CSGALNACT1: variants seen among roughly 807,000 people sequenced by gnomAD.
CSGALNACT1 encodes the protein beta4GalNAcT-1.
Under a neutral mutation model 51.0 loss-of-function variants are expected in CSGALNACT1, and 52 were observed. The observed-to-expected ratio is 1.02, with a 90% confidence interval of 0.82 to 1.29. The LOEUF (loss-of-function observed/expected upper bound fraction) is 1.29, where lower values mean the gene tolerates loss of function less well. Ranked by LOEUF, CSGALNACT1 falls within the 50% of genes most tolerant of loss-of-function variation. The pLI is 0.00. For synonymous variants in CSGALNACT1, 341 were observed against 254.4 expected (o/e 1.34, Z -3.24); for missense variants, 935 against 679.2 (o/e 1.38, Z -4.19).
At chr8:19,508,853 G>A (rs1043725820) in intron 3 of CSGALNACT1, among the ~76,000 whole-genome samples, 15 of 152,068 alleles carry the variant, frequency 9.9e-5, no homozygotes, top group Admixed American at 3.3e-4. Flanking sequence ...AAACTAAATC[G>A]GTGATTTGAA....
At chr8:19,707,723 G>A (rs761686337) in intron 1 of CSGALNACT1, among the ~76,000 whole-genome samples, 4 of 152,052 alleles carry the variant, frequency 2.6e-5, no homozygotes, top group Non-Finnish European at 5.9e-5. Flanking sequence ...CTATAAGGCC[G>A]GGTGTGGTGG....
upstream of CSGALNACT1, among the ~76,000 whole-genome samples, chr8:19,604,870 G>A (rs750901985): frequency 2.1e-3 from 315 of 147,262 alleles, 1 homozygote; most frequent in Non-Finnish European, 3.8e-3. Context: ...AGCCAAGATC[G>A]CGCCACTGCC....
At chr8:19,525,224 T>C (rs1046034463) in intron 3 of CSGALNACT1, among the ~76,000 whole-genome samples, 1 of 152,060 alleles carries the variant, frequency 6.6e-6, no homozygotes, top group African/African-American at 2.4e-5. Flanking sequence ...TAAACAAACG[T>C]GAAAATGGCT....
chr8:19,588,492 TA>T (rs1460538254), intron 3 of CSGALNACT1, among the ~76,000 whole-genome samples: 16 of 152,330 alleles, frequency 1.1e-4, no homozygotes, highest in African/African-American at 3.8e-4. Context: ...ACTGATTACC[TA>T]AATGTAAATA....
chr8:19,666,470 G>C (rs554370963), intron 1 of CSGALNACT1, among the ~76,000 whole-genome samples: 5 of 152,082 alleles, frequency 3.3e-5, no homozygotes, highest in African/African-American at 1.2e-4. Flanking sequence ...TGAGGCGGGT[G>C]AATCACTTCA....
At chr8:19,474,267 A>T (rs1316844401) in intron 4 of CSGALNACT1, among the ~76,000 whole-genome samples, 1 of 152,174 alleles carries the variant, frequency 6.6e-6, no homozygotes, top group African/African-American at 2.4e-5. Context: ...TCTATGTGAA[A>T]AGCACATTTG....
chr8:19,691,884 T>G (rs1168199657), intron 1 of CSGALNACT1, among the ~76,000 whole-genome samples: 2 of 145,596 alleles, frequency 1.4e-5, no homozygotes, highest in East Asian at 4.1e-4. Flanking sequence ...CCTACTGTAT[T>G]GCACCGTTTT....
chr8:19,582,843 G>A (rs1200544351), intron 3 of CSGALNACT1, among the ~76,000 whole-genome samples: 6 of 152,156 alleles, frequency 3.9e-5, no homozygotes, highest in Admixed American at 3.9e-4. Context: ...GCTAGAGCCA[G>A]TATGAACTGG....
chr8:19,606,256 T>A (rs559436189), upstream of CSGALNACT1, among the ~76,000 whole-genome samples: 1 of 152,364 alleles, frequency 6.6e-6, no homozygotes, highest in Admixed American at 6.5e-5. Context: ...TAATTTTATA[T>A]ATACACAAAA....
chr8:19,582,446 G>C (rs1316142598), intron 3 of CSGALNACT1, among the ~76,000 whole-genome samples: 1 of 152,144 alleles, frequency 6.6e-6, no homozygotes, highest in Admixed American at 6.5e-5. Context: ...TATTTAAAGA[G>C]CCTGAGAGCA....
intron 1 of CSGALNACT1, among the ~76,000 whole-genome samples, chr8:19,691,521 C>T (rs1037406566): frequency 1.3e-5 from 2 of 152,194 alleles, no homozygotes; most frequent in African/African-American, 4.8e-5. Flanking sequence ...CAACTAACTC[C>T]ACAGGTGGTT....
At chr8:19,585,976 G>C (rs997053451) in intron 3 of CSGALNACT1, among the ~76,000 whole-genome samples, 10 of 152,144 alleles carry the variant, frequency 6.6e-5, no homozygotes, top group Admixed American at 6.5e-4. Context: ...AGAGCCCCCA[G>C]GAGGCTAAGG....
chr8:19,495,932 C>G (rs750823605), intron 4 of CSGALNACT1, among the ~76,000 whole-genome samples: 1 of 152,174 alleles, frequency 6.6e-6, no homozygotes, highest in East Asian at 1.9e-4. Context: ...TTTTAACTCC[C>G]TTCCTCCAGC....
At chr8:19,617,280 C>G (rs1014352215) in intron 1 of CSGALNACT1, among the ~76,000 whole-genome samples, 1 of 152,170 alleles carries the variant, frequency 6.6e-6, no homozygotes, top group Admixed American at 6.5e-5. Flanking sequence ...AAGTTTCGCT[C>G]ACTCGCCTGC....
intron 3 of CSGALNACT1, among the ~76,000 whole-genome samples, chr8:19,568,553 A>G (rs2042354477): frequency 1.3e-5 from 2 of 152,200 alleles, no homozygotes; most frequent in Admixed American, 6.5e-5. Context: ...TTCCATACTC[A>G]GTACTATATT....
intron 1 of CSGALNACT1, among the ~76,000 whole-genome samples, chr8:19,623,609 A>G (rs1164133492): frequency 2.0e-5 from 3 of 152,230 alleles, no homozygotes. Context: ...GTACTTAACA[A>G]ATCTCTAAGA....
chr8:19,688,280 C>A (rs1310241032), intron 1 of CSGALNACT1, among the ~76,000 whole-genome samples: 1 of 152,184 alleles, frequency 6.6e-6, no homozygotes, highest in East Asian at 1.9e-4. Flanking sequence ...GTGAGGAGAA[C>A]AATTCATACC....
intron 2 of CSGALNACT1, among the ~76,000 whole-genome samples, chr8:19,592,393 T>C (rs761298787): frequency 3.3e-5 from 5 of 152,274 alleles, no homozygotes; most frequent in East Asian, 1.9e-4. Flanking sequence ...TCAGATAAAA[T>C]AGTATATATA....
rs76357563 is a variant in CSGALNACT1 at position 19,619,366 on chromosome 8, C to A, written c.-543-17501G>T. On this transcript the variant is annotated intron_variant, in intron 1 of 9. Transcript: ENST00000332246. ...ATGCCTACAGGAGTGTGGAAGGGAG[C>A]GAGTCTATAGAGGAGGCTGGGAACC... Among the ~76,000 whole-genome samples, 45 of 151,896 alleles carry A rather than the reference C, an allele frequency of 3.0e-4. No individual in the cohort carries two copies. In the East Asian group the frequency reaches 8.5e-3, roughly 29 times the overall value.
Sources: gnomAD v4.1 joint callset for allele counts (sites outside exome capture counted in the v4.1 genomes callset) on GRCh38, gnomAD v4.1.1 for gene constraint, MANE v1.5 for transcripts, NCBI Gene and HGNC (gene_info 2026-07-23, HGNC 2026-07-21) for gene names.